VDAC1: variants seen among roughly 807,000 people sequenced by gnomAD.
The protein encoded by VDAC1 is voltage dependent anion channel 1.
Under a neutral mutation model 34.7 loss-of-function variants are expected in VDAC1, and 10 were observed. That is an observed-to-expected ratio of 0.29 (90% CI 0.18 to 0.49). The LOEUF is 0.49. VDAC1 is among the 20% of genes least tolerant of loss of function. The pLI is 0.99. For missense variants in VDAC1, 230 were observed against 347.9 expected, an observed-to-expected ratio of 0.66 and a Z score of 2.69; for synonymous variants, 130 against 136.0, an observed-to-expected ratio of 0.96 and a Z score of 0.30.
At chr5:134,085,350 G>A in the VDAC1 span, among the ~76,000 whole-genome samples, 4 of 152,070 alleles carry the variant, frequency 2.6e-5, no homozygotes, top group South Asian at 6.2e-4. Flanking sequence ...TTACAGGCGT[G>A]AGCCACCGCG....
At chr5:134,009,608 A>G (rs983658619), upstream of VDAC1, among the ~76,000 whole-genome samples, 2 of 152,082 alleles carry the variant, frequency 1.3e-5, no homozygotes, top group Admixed American at 6.5e-5. Flanking sequence ...TTGTGTTTCT[A>G]TTTATGAGAC....
chr5:134,081,556 T>A, the VDAC1 span, among the ~76,000 whole-genome samples: 1 of 152,256 alleles, frequency 6.6e-6, no homozygotes, highest in African/African-American at 2.4e-5. Context: ...AAAGTATTAT[T>A]TGTATTTGAC....
the VDAC1 span, among the ~76,000 whole-genome samples, chr5:134,033,154 A>ATTTTT: frequency 9.6e-5 from 12 of 125,406 alleles, no homozygotes; most frequent in Non-Finnish European, 1.5e-4. Flanking sequence ...GTAGAAACTA[A>ATTTTT]TTTTTTTTTT....
chr5:134,033,879 C>G, the VDAC1 span, among the ~76,000 whole-genome samples: 2 of 151,814 alleles, frequency 1.3e-5, no homozygotes, highest in South Asian at 2.1e-4. Context: ...GTAGTCCCAG[C>G]TACTTGGGAG....
At chr5:133,979,434 T>TTTTTTTTTTTTTTTTTTTTTTTTTG (rs1752604836) in intron 6 of VDAC1, among the ~76,000 whole-genome samples, 1 of 134,684 alleles carries the variant, frequency 7.4e-6, no homozygotes, top group Non-Finnish European at 1.6e-5. Context: ...CTTTTTTTTT[T>TTTTTTTTTTTTTTTTTTTTTTTTTG]TTTTTTTTTT....
At chr5:134,106,199 C>T in the VDAC1 span, among the ~76,000 whole-genome samples, 1 of 152,172 alleles carries the variant, frequency 6.6e-6, no homozygotes, top group Non-Finnish European at 1.5e-5. Flanking sequence ...TCCACTTTCC[C>T]TAATAATAGT....
intron 6 of VDAC1, 78 bp downstream of exon 6, chr5:133,980,651 A>C (rs1460061160): frequency 4.0e-6 from 4 of 991,554 alleles, no homozygotes; most frequent in Non-Finnish European, 5.7e-6. Context: ...AAAAAAAAAA[A>C]AACAGTGAAA....
the VDAC1 span, among the ~76,000 whole-genome samples, chr5:134,105,763 G>A: frequency 6.6e-6 from 1 of 152,252 alleles, no homozygotes; most frequent in African/African-American, 2.4e-5. Context: ...CATCTGGGGT[G>A]GCCCTGCTCC....
chr5:134,085,618 T>G, the VDAC1 span, among the ~76,000 whole-genome samples: 1 of 144,434 alleles, frequency 6.9e-6, no homozygotes. Context: ...CCAGGCGCAG[T>G]GGCTCACGCC....
the VDAC1 span, among the ~76,000 whole-genome samples, chr5:134,095,277 TTCGA>T: frequency 1.0e-3 from 159 of 151,888 alleles, no homozygotes; most frequent in Middle Eastern, 3.4e-3. Context: ...ATGCCAGGAG[TTCGA>T]GACCAGCCTG....
At chr5:134,093,877 A>G in the VDAC1 span, among the ~76,000 whole-genome samples, 7 of 152,342 alleles carry the variant, frequency 4.6e-5, no homozygotes, top group African/African-American at 1.7e-4. Flanking sequence ...GAAAGTGGCC[A>G]AGGCAGCCCC....
At chr5:133,998,288 C>T (rs980293756) in intron 1 of VDAC1, among the ~76,000 whole-genome samples, 1 of 152,156 alleles carries the variant, frequency 6.6e-6, no homozygotes, top group African/African-American at 2.4e-5. Flanking sequence ...GGAAGGAATG[C>T]ACTTCAAATC....
At chr5:134,050,368 G>C in the VDAC1 span, among the ~76,000 whole-genome samples, 1 of 152,100 alleles carries the variant, frequency 6.6e-6, no homozygotes, top group South Asian at 2.1e-4. Flanking sequence ...TTTTCTAGTG[G>C]TTGTACAGTT....
the VDAC1 span, among the ~76,000 whole-genome samples, chr5:134,105,336 G>A: frequency 6.6e-6 from 1 of 152,338 alleles, no homozygotes; most frequent in East Asian, 1.9e-4. Flanking sequence ...GTAGGCTGCA[G>A]AACTATAGTC....
the VDAC1 span, among the ~76,000 whole-genome samples, chr5:134,030,170 A>G: frequency 2.0e-5 from 3 of 151,938 alleles, no homozygotes; most frequent in African/African-American, 7.3e-5. Context: ...GAGAAACCCT[A>G]TCTCTACTAA....
At chr5:133,985,500 A>G (rs151241787) in intron 5 of VDAC1, among the ~76,000 whole-genome samples, 13 of 152,238 alleles carry the variant, frequency 8.5e-5, no homozygotes, top group African/African-American at 3.1e-4. Flanking sequence ...CTAAAAATAC[A>G]AAAATTAGCA....
At chr5:134,112,151 C>G in the VDAC1 span, among the ~76,000 whole-genome samples, 1 of 152,152 alleles carries the variant, frequency 6.6e-6, no homozygotes, top group Non-Finnish European at 1.5e-5. Context: ...TTTCCAAACC[C>G]TCCTAAGCCA....
the VDAC1 span, among the ~76,000 whole-genome samples, chr5:134,092,808 G>C: frequency 6.6e-6 from 1 of 152,150 alleles, no homozygotes; most frequent in African/African-American, 2.4e-5. Flanking sequence ...TATACTTATA[G>C]GATTGACACA....
chr5:134,070,523 C>G, the VDAC1 span, among the ~76,000 whole-genome samples: 1 of 152,094 alleles, frequency 6.6e-6, no homozygotes, highest in Non-Finnish European at 1.5e-5. Context: ...TTCAGAAACG[C>G]CTAAGATAAT....
Sources: gnomAD v4.1 joint callset for allele counts (sites outside exome capture counted in the v4.1 genomes callset) on GRCh38, gnomAD v4.1.1 for gene constraint, MANE v1.5 for transcripts, NCBI Gene and HGNC (gene_info 2026-07-23, HGNC 2026-07-21) for gene names.